The following ZNF185 variants were observed in gnomAD, a reference collection of about 807,000 sequenced individuals.
ZNF185 encodes zinc finger protein 185.
In ZNF185, 56 loss-of-function variants were observed where a neutral mutation model predicts 58.6. That is an observed-to-expected ratio of 0.95 (90% CI 0.77 to 1.19). The LOEUF (loss-of-function observed/expected upper bound fraction) is 1.19. ZNF185 is among the 50% of genes most tolerant of loss of function. The pLI is 0.00. For missense variants in ZNF185, 627 were observed against 573.5 expected, an observed-to-expected ratio of 1.09 and a Z score of -0.95; for synonymous variants, 230 against 215.9, an observed-to-expected ratio of 1.07 and a Z score of -0.57.
chrX:152,962,428 G>A (rs1023384964), intron 17 of ZNF185, among the ~76,000 whole-genome samples: 9 of 111,566 alleles, frequency 8.1e-5, no homozygotes, highest in Admixed American at 2.8e-4. Context: ...CTTCAGTTGC[G>A]CCGTCCCCTT....
intron 15 of ZNF185, among the ~76,000 whole-genome samples, chrX:152,938,751 T>TA (rs1236247773): frequency 3.6e-5 from 4 of 109,589 alleles, no homozygotes; most frequent in African/African-American, 1.3e-4. Flanking sequence ...GGTTTATGCC[T>TA]AATTACAACA....
At chrX:152,940,515 A>T (rs995976386) in intron 15 of ZNF185, among the ~76,000 whole-genome samples, 1 of 110,857 alleles carries the variant, frequency 9.0e-6, no homozygotes, top group African/African-American at 3.3e-5. Flanking sequence ...TTCTCTAAAG[A>T]CCTGGAATCA....
At chrX:152,904,374 G>A in the ZNF185 span, among the ~76,000 whole-genome samples, 67 of 112,651 alleles carry the variant, frequency 5.9e-4, no homozygotes, top group African/African-American at 2.1e-3. Context: ...CCGCTGCAGC[G>A]GTGCCTGTGG....
chrX:152,935,593 C>T (rs1443081137), intron 14 of ZNF185, among the ~76,000 whole-genome samples: 2 of 112,366 alleles, frequency 1.8e-5, no homozygotes, highest in Non-Finnish European at 3.8e-5. Context: ...CTTTTCCATT[C>T]ATTTTCATGG....
At position 152,951,085 on chromosome X, in the gene ZNF185, A is replaced by ATTT. The variant is rs57205058; in HGVS notation, c.1409+5637_1409+5639dup. On this transcript the variant is annotated intron_variant, in intron 16 of 22. Transcript: ENST00000449285. ...ATTAGGGACAGACCAATGATCAAGAATTTTTTTTTTTTTTTTTTGAGATGG... is the reference window on the plus strand; with the variant it reads ...ATTAGGGACAGACCAATGATCAAGAATTTTTTTTTTTTTTTTTTTTTGAGATGG... Among the ~76,000 whole-genome samples the ATTT allele has an allele frequency of 6.6e-3, 606 of 92,388 alleles. 9 individuals carry two copies. Among genetic ancestry groups the ATTT allele is most frequent in the African/African-American group, 0.018 (457 of 24,759 alleles). The allele number at this position is 92,388 out of a possible 115,157, so 80.2% of individuals were successfully genotyped here.
At chrX:152,928,772 C>A in intron 12 of ZNF185, 111 bp downstream of exon 13, 1 of 776,997 alleles carries the variant, frequency 1.3e-6, no homozygotes, top group Non-Finnish European at 1.9e-6. Flanking sequence ...CACTGTAGGG[C>A]CAACAGGTTG....
chrX:152,917,879 G>A, intron 5 of ZNF185, 186 bp from the exon 7 acceptor site: 16 of 1,080,780 alleles, frequency 1.5e-5, no homozygotes, highest in African/African-American at 3.7e-5. Context: ...CCTGAAGCTC[G>A]GTGGGGTTTG....
upstream of ZNF185, among the ~76,000 whole-genome samples, chrX:152,911,039 G>A (rs1937101096): frequency 8.9e-6 from 1 of 111,811 alleles, no homozygotes; most frequent in African/African-American, 3.3e-5. Context: ...GGCTGTCACA[G>A]GGTGCCTGGG....
At chrX:152,936,549 A>G in intron 14 of ZNF185, 36 bp downstream of exon 16, 2 of 1,117,639 alleles carry the variant, frequency 1.8e-6, no homozygotes, top group Non-Finnish European at 2.4e-6. Context: ...GCCCTATCCC[A>G]TTGCCAGACA....
At chrX:152,903,111 G>A in the ZNF185 span, among the ~76,000 whole-genome samples, 1 of 110,681 alleles carries the variant, frequency 9.0e-6, no homozygotes, top group Non-Finnish European at 1.9e-5. Flanking sequence ...GAAAGTGGCC[G>A]AGTGCGGTGG....
intron 11 of ZNF185, among the ~76,000 whole-genome samples, chrX:152,924,788 G>A (rs1329972221): frequency 1.8e-5 from 2 of 111,969 alleles, no homozygotes; most frequent in East Asian, 2.8e-4. Flanking sequence ...GGGTTCAAGC[G>A]ATTCTTCTGC....
chrX:152,945,580 C>T, intron 16 of ZNF185, 116 bp downstream of exon 18: 1 of 827,310 alleles, frequency 1.2e-6, no homozygotes, highest in Non-Finnish European at 1.7e-6. Context: ...ACATTGCACA[C>T]CCAGGCTCCT....
At chrX:152,937,742 G>C (rs2046492472) in intron 14 of ZNF185, among the ~76,000 whole-genome samples, 1 of 112,345 alleles carries the variant, frequency 8.9e-6, no homozygotes, top group Non-Finnish European at 1.9e-5. Context: ...TGCAGGCCTG[G>C]ATATCCCCCT....
intron 12 of ZNF185, among the ~76,000 whole-genome samples, chrX:152,929,772 T>C (rs1307104101): frequency 8.9e-6 from 1 of 112,183 alleles, no homozygotes; most frequent in Non-Finnish European, 1.9e-5. Context: ...CAGAAGTAGT[T>C]ATGCCAGCCC....
chrX:152,943,546 G>T (rs1461020526), intron 15 of ZNF185, among the ~76,000 whole-genome samples: 1 of 112,524 alleles, frequency 8.9e-6, no homozygotes, highest in Non-Finnish European at 1.9e-5. Context: ...AATTCCCCTG[G>T]ATGTTACATT....
intron 14 of ZNF185, 77 bp downstream of exon 16, chrX:152,936,590 AC>A: frequency 1.1e-6 from 1 of 920,010 alleles, no homozygotes; most frequent in Non-Finnish European, 1.5e-6. Flanking sequence ...CAGCTGCAGC[AC>A]CCCAGGATCC....
At chrX:152,944,463 A>G (rs181519045) in intron 15 of ZNF185, among the ~76,000 whole-genome samples, 178 of 112,362 alleles carry the variant, frequency 1.6e-3, no homozygotes, top group African/African-American at 5.5e-3. Flanking sequence ...TAGTAGCCCA[A>G]CTTGGTGTTT....
the ZNF185 span, among the ~76,000 whole-genome samples, chrX:152,908,707 A>G: frequency 8.8e-6 from 1 of 113,245 alleles, no homozygotes; most frequent in Non-Finnish European, 1.9e-5. Context: ...GGTGTGCCCC[A>G]GGAGCACTCG....
chrX:152,904,294 C>T, the ZNF185 span, among the ~76,000 whole-genome samples: 28 of 112,212 alleles, frequency 2.5e-4, no homozygotes, highest in Admixed American at 1.1e-3. Flanking sequence ...GCCCTGCCCA[C>T]GGTCCCTAAA....
Sources: allele counts gnomAD v4.1 joint callset (sites outside exome capture counted in the v4.1 genomes callset), GRCh38; gene constraint gnomAD v4.1.1; transcripts MANE v1.5; gene names NCBI Gene and HGNC (gene_info 2026-07-23, HGNC 2026-07-21).